ACTR3C: variants seen among roughly 807,000 people sequenced by gnomAD.
The protein encoded by ACTR3C is actin related protein 3C.
ACTR3C carries 18 observed loss-of-function variants against 26.3 expected under a neutral mutation model. The ratio of observed to expected loss-of-function variants is 0.68; its 90% CI spans 0.47 to 1.01. ACTR3C has a LOEUF of 1.01. Among genes scored for constraint, ACTR3C ranks in the 50% least tolerant of loss-of-function variants. ACTR3C has a pLI of 0.00. For synonymous variants in ACTR3C, 55 were observed against 94.5 expected (o/e 0.58, Z 2.42); for missense variants, 184 against 250.7 (o/e 0.73, Z 1.80).
chr7:149,906,325 T>C, the ACTR3C span, among the ~76,000 whole-genome samples: 2,401 of 151,926 alleles, frequency 0.016, 52 homozygotes, highest in African/African-American at 0.055. Context: ...TTTATTCATT[T>C]ACTCTGATAC....
At chr7:150,222,729 C>G in the ACTR3C span, among the ~76,000 whole-genome samples, 1 of 152,176 alleles carries the variant, frequency 6.6e-6, no homozygotes, top group African/African-American at 2.4e-5. Flanking sequence ...TTTCATTAAT[C>G]AAGCTTGAAC....
chr7:150,047,789 C>T, the ACTR3C span: 25 of 1,527,852 alleles, frequency 1.6e-5, no homozygotes, highest in African/African-American at 2.2e-4. Flanking sequence ...GACTCGCCTC[C>T]GGGGGCGTGG....
the ACTR3C span, among the ~76,000 whole-genome samples, chr7:150,035,053 G>C: frequency 7.7e-6 from 1 of 130,002 alleles, no homozygotes; most frequent in African/African-American, 2.9e-5. Flanking sequence ...GTAATCCCAC[G>C]TAAGGTACCT....
the ACTR3C span, among the ~76,000 whole-genome samples, chr7:150,201,629 G>C: frequency 6.6e-6 from 1 of 151,618 alleles, no homozygotes; most frequent in Admixed American, 6.6e-5. Flanking sequence ...GTTATGGTAG[G>C]CACCTGTAAT....
the ACTR3C span, among the ~76,000 whole-genome samples, chr7:150,118,108 A>C: frequency 6.6e-6 from 1 of 152,232 alleles, no homozygotes; most frequent in African/African-American, 2.4e-5. Context: ...CCAAAGGTAG[A>C]GAAATCCATG....
chr7:149,970,648 A>T, the ACTR3C span, among the ~76,000 whole-genome samples: 1 of 152,212 alleles, frequency 6.6e-6, no homozygotes, highest in East Asian at 1.9e-4. Flanking sequence ...AACTCATCAT[A>T]GCCCTATTTC....
the ACTR3C span, among the ~76,000 whole-genome samples, chr7:150,148,338 G>C: frequency 1.3e-5 from 2 of 152,008 alleles, no homozygotes; most frequent in South Asian, 4.1e-4. Context: ...TTAGCCAGGC[G>C]TGGTGGCATG....
chr7:149,929,112 C>T, the ACTR3C span, among the ~76,000 whole-genome samples: 1 of 152,116 alleles, frequency 6.6e-6, no homozygotes, highest in Admixed American at 6.5e-5. Flanking sequence ...GCAACCATCA[C>T]CATAATTAGT....
At chr7:149,996,434 GT>G in the ACTR3C span, among the ~76,000 whole-genome samples, 11 of 150,244 alleles carry the variant, frequency 7.3e-5, no homozygotes, top group East Asian at 2.1e-3. Context: ...CTGGAGAGGA[GT>G]TAAGAACAGA....
chr7:150,078,484 C>T, the ACTR3C span, among the ~76,000 whole-genome samples: 22 of 150,000 alleles, frequency 1.5e-4, no homozygotes, highest in African/African-American at 5.2e-4. Context: ...TCCTCTTGCT[C>T]TACCTCTTCC....
chr7:149,936,687 C>A, the ACTR3C span, among the ~76,000 whole-genome samples: 1 of 152,202 alleles, frequency 6.6e-6, no homozygotes, highest in South Asian at 2.1e-4. Context: ...CAAAGAACAC[C>A]CAGAAACACC....
At chr7:150,123,255 A>G in the ACTR3C span, among the ~76,000 whole-genome samples, 2 of 150,686 alleles carry the variant, frequency 1.3e-5, no homozygotes, top group African/African-American at 4.8e-5. Context: ...AAATCAGGAC[A>G]AAAAAAAAGA....
the ACTR3C span, among the ~76,000 whole-genome samples, chr7:150,175,364 T>G: frequency 7.0e-6 from 1 of 142,372 alleles, no homozygotes. Context: ...TTAAAATCAC[T>G]TGGTACAAAT....
the ACTR3C span, among the ~76,000 whole-genome samples, chr7:150,149,531 T>C: frequency 8.1e-6 from 1 of 123,670 alleles, no homozygotes; most frequent in Admixed American, 9.5e-5. Context: ...TGTGTGATGT[T>C]CCCCACCCTG....
the ACTR3C span, among the ~76,000 whole-genome samples, chr7:150,207,118 C>A: frequency 6.6e-6 from 1 of 152,128 alleles, no homozygotes; most frequent in African/African-American, 2.4e-5. Context: ...TGTGGGGAAG[C>A]GGAAAATGTT....
chr7:149,967,649 G>A, the ACTR3C span, among the ~76,000 whole-genome samples: 3 of 152,082 alleles, frequency 2.0e-5, no homozygotes, highest in East Asian at 3.9e-4. Context: ...CTTTCACACC[G>A]AGGCACAAAA....
At chr7:150,098,022 C>T in the ACTR3C span, among the ~76,000 whole-genome samples, 3 of 151,160 alleles carry the variant, frequency 2.0e-5, no homozygotes, top group Non-Finnish European at 2.9e-5. Flanking sequence ...CAACATGGTC[C>T]CACCAAGTGA....
the ACTR3C span, among the ~76,000 whole-genome samples, chr7:150,111,164 G>C: frequency 5.8e-5 from 8 of 137,270 alleles, no homozygotes; most frequent in African/African-American, 2.3e-4. Context: ...TCTGGGGCAA[G>C]TCACTGCCTG....
At chr7:150,049,658 C>T in the ACTR3C span, among the ~76,000 whole-genome samples, 1 of 152,246 alleles carries the variant, frequency 6.6e-6, no homozygotes, top group Admixed American at 6.5e-5. Context: ...CCTCTGTTTC[C>T]CTAACTGCGG....
Sources: allele counts gnomAD v4.1 joint callset (sites outside exome capture counted in the v4.1 genomes callset), GRCh38; gene constraint gnomAD v4.1.1; transcripts MANE v1.5; gene names NCBI Gene and HGNC (gene_info 2026-07-23, HGNC 2026-07-21).